The following MYO18B variants were observed in gnomAD, a reference collection of about 807,000 sequenced individuals.
MYO18B encodes the protein unconventional myosin-XVIIIb.
In MYO18B, 204 loss-of-function variants were observed where a neutral mutation model predicts 273.0. The observed-to-expected ratio is 0.75, with a 90% confidence interval of 0.67 to 0.84. MYO18B has a LOEUF of 0.84. Among genes scored for constraint, MYO18B ranks in the 40% least tolerant of loss-of-function variants. The probability of loss-of-function intolerance (pLI) is 0.00; values close to 1 mark genes in which losing one functional copy is unlikely to be tolerated. For missense variants in MYO18B, 3,212 were observed against 3,287.6 expected (o/e 0.98, Z 0.56); for synonymous variants, 1,330 against 1,305.7 (o/e 1.02, Z -0.40).
chr22:25,841,804 C>T (rs567625649), intron 17 of MYO18B, among the ~76,000 whole-genome samples: 36 of 152,338 alleles, frequency 2.4e-4, no homozygotes, highest in African/African-American at 7.7e-4. Flanking sequence ...CCCTGCTCTC[C>T]AGTTGCTTCT....
Position 25,838,500 on chromosome 22 carries a change from G to A in MYO18B, c.3208+3057G>A, listed in dbSNP as rs186287338. The stretch of plus-strand genomic sequence containing the variant: ...CACACACACAGTCATGCACCACATA[G>A]CAGTGTTTCAGGCAACGGACTGTGT... On this transcript the variant is annotated intron_variant, in intron 17 of 43. Transcript: ENST00000335473. 7.9e-4 allele frequency among the ~76,000 whole-genome samples: 120 copies of A among 152,308 alleles called. 1 individual carries two copies. The highest frequency in any genetic ancestry group is 2.7e-3 in the African/African-American group (112 of 41,558).
chr22:25,786,492 C>CAA (rs35847281), intron 11 of MYO18B, among the ~76,000 whole-genome samples: 2,540 of 142,192 alleles, frequency 0.018, 39 homozygotes, highest in East Asian at 0.062. Context: ...TATCCTGGTG[C>CAA]AAAAAAAAAA....
chr22:25,921,645 G>A (rs1177541233), intron 34 of MYO18B, among the ~76,000 whole-genome samples: 1 of 152,102 alleles, frequency 6.6e-6, no homozygotes, highest in Non-Finnish European at 1.5e-5. Flanking sequence ...GAATTCTTCT[G>A]TCTGGAAGGC....
chr22:25,815,298 T>G (rs749700704), intron 12 of MYO18B, among the ~76,000 whole-genome samples: 1 of 152,160 alleles, frequency 6.6e-6, no homozygotes, highest in African/African-American at 2.4e-5. Context: ...GCTAGCTGAG[T>G]GATCTCAGGC....
At chr22:26,057,206 G>C in the MYO18B span, among the ~76,000 whole-genome samples, 1 of 151,868 alleles carries the variant, frequency 6.6e-6, no homozygotes. Flanking sequence ...AAACTGCTCT[G>C]ATCATCTAAA....
intron 15 of MYO18B, among the ~76,000 whole-genome samples, chr22:25,830,438 A>G (rs1357412703): frequency 6.6e-6 from 1 of 152,168 alleles, no homozygotes; most frequent in Non-Finnish European, 1.5e-5. Flanking sequence ...TTGGTCCAGG[A>G]TGGTTCTTGA....
intron 15 of MYO18B, among the ~76,000 whole-genome samples, chr22:25,831,988 A>G (rs1226877907): frequency 6.6e-6 from 1 of 152,210 alleles, no homozygotes; most frequent in Non-Finnish European, 1.5e-5. Flanking sequence ...AGATTTACAA[A>G]AGCACACAAA....
intron 37 of MYO18B, among the ~76,000 whole-genome samples, chr22:25,951,370 G>A (rs772994096): frequency 6.6e-6 from 1 of 152,164 alleles, no homozygotes; most frequent in Non-Finnish European, 1.5e-5. Flanking sequence ...TTCCAGTTGT[G>A]TGCGAGGTGA....
chr22:25,946,912 A>G (rs2092718771), intron 35 of MYO18B, among the ~76,000 whole-genome samples: 1 of 152,158 alleles, frequency 6.6e-6, no homozygotes, highest in African/African-American at 2.4e-5. Context: ...ACATGGACAT[A>G]TATTGTCGAT....
intron 12 of MYO18B, among the ~76,000 whole-genome samples, chr22:25,822,992 A>G (rs1464715663): frequency 6.6e-6 from 1 of 152,088 alleles, no homozygotes; most frequent in African/African-American, 2.4e-5. Context: ...TTGTCTGGCT[A>G]TTTATCTTAC....
At chr22:25,756,866 G>A (rs950459483) in intron 1 of MYO18B, among the ~76,000 whole-genome samples, 4 of 152,106 alleles carry the variant, frequency 2.6e-5, no homozygotes, top group Non-Finnish European at 5.9e-5. Flanking sequence ...TTTGAGACCA[G>A]CCTGGTCAAT....
At chr22:25,921,131 C>A in intron 33 of MYO18B, 126 bp from the exon 34 acceptor site, 1 of 957,094 alleles carries the variant, frequency 1.0e-6, no homozygotes. Flanking sequence ...GGAGAATGGT[C>A]TTGTCCAAGG....
chr22:25,907,277 C>T (rs952840995), intron 31 of MYO18B, among the ~76,000 whole-genome samples: 2 of 152,212 alleles, frequency 1.3e-5, no homozygotes, highest in Non-Finnish European at 2.9e-5. Flanking sequence ...TTGCCTTCCA[C>T]TCTAGAACCC....
rs2086296317 is a variant in MYO18B at position 25,761,070 on chromosome 22, C to T, written c.-23C>T. The T allele has an allele frequency of 6.2e-7, 1 of 1,613,238 alleles. No homozygotes were observed. Among genetic ancestry groups the T allele is most frequent in the South Asian group, 1.1e-5 (1 of 91,082 alleles). ...GAAGCTCCATCTCATCTCATCATCT[C>T]ACGGCCCTGGCACTGCCTCAGCATG... On this transcript the variant is annotated 5_prime_UTR_variant, in exon 2 of 44. Transcript: ENST00000335473.
At chr22:25,847,743 T>C (rs555777066) in intron 20 of MYO18B, 91 bp downstream of exon 20, 8 of 951,696 alleles carry the variant, frequency 8.4e-6, no homozygotes, top group African/African-American at 3.2e-5. Flanking sequence ...GCCCCTGCCA[T>C]GTGCTAGGAG....
At chr22:26,060,327 A>G in the MYO18B span, among the ~76,000 whole-genome samples, 1 of 152,254 alleles carries the variant, frequency 6.6e-6, no homozygotes, top group East Asian at 1.9e-4. Context: ...CTGGCTCTTT[A>G]TAGGAAAAAG....
intron 20 of MYO18B, among the ~76,000 whole-genome samples, chr22:25,850,645 G>C (rs765309635): frequency 6.6e-6 from 1 of 152,026 alleles, no homozygotes; most frequent in African/African-American, 2.4e-5. Flanking sequence ...TGGCACGATC[G>C]TGGCTTGCTG....
At chr22:25,940,053 G>A (rs2092625885) in intron 34 of MYO18B, among the ~76,000 whole-genome samples, 1 of 152,216 alleles carries the variant, frequency 6.6e-6, no homozygotes, top group Non-Finnish European at 1.5e-5. Flanking sequence ...GGCTTGTACA[G>A]TGCACAACTG....
At chr22:25,907,022 C>T (rs150973365) in intron 31 of MYO18B, among the ~76,000 whole-genome samples, 1 of 152,294 alleles carries the variant, frequency 6.6e-6, no homozygotes, top group East Asian at 1.9e-4. Context: ...AATGCTTTTT[C>T]ATGATCCAGT....
Sources: gnomAD v4.1 joint callset for allele counts (sites outside exome capture counted in the v4.1 genomes callset) on GRCh38, gnomAD v4.1.1 for gene constraint, MANE v1.5 for transcripts, NCBI Gene and HGNC (gene_info 2026-07-23, HGNC 2026-07-21) for gene names.